The following ARIH1 variants were observed in gnomAD, a reference collection of about 807,000 sequenced individuals.
ARIH1 encodes the protein ariadne RBR E3 ubiquitin protein ligase 1.
A neutral mutation model predicts 85.0 loss-of-function variants in ARIH1; 8 were observed. That is an observed-to-expected ratio of 0.09 (90% confidence interval 0.06 to 0.17). The LOEUF (loss-of-function observed/expected upper bound fraction) is 0.17, where lower values mean the gene tolerates loss of function less well. Among genes scored for constraint, ARIH1 ranks in the 10% least tolerant of loss-of-function variants. The probability of loss-of-function intolerance (pLI) is 1.00; values close to 1 mark genes in which losing one functional copy is unlikely to be tolerated. For missense variants in ARIH1, 311 were observed against 718.1 expected, an observed-to-expected ratio of 0.43 and a Z score of 6.48; for synonymous variants, 238 against 253.6, an observed-to-expected ratio of 0.94 and a Z score of 0.59.
At chr15:72,548,796 T>C (rs1225501380) in intron 3 of ARIH1, among the ~76,000 whole-genome samples, 1 of 152,222 alleles carries the variant, frequency 6.6e-6, no homozygotes, top group Non-Finnish European at 1.5e-5. Flanking sequence ...ATTTGTACTT[T>C]TTTATTATAT....
intron 1 of ARIH1, among the ~76,000 whole-genome samples, chr15:72,512,853 TTAAGTA>T (rs1381817963): frequency 6.6e-6 from 1 of 152,048 alleles, no homozygotes; most frequent in Admixed American, 6.5e-5. Context: ...TTGAAATCTC[TTAAGTA>T]TAATTGTGGA....
At chr15:72,567,981 A>G (rs769104847) in intron 9 of ARIH1, among the ~76,000 whole-genome samples, 10 of 152,206 alleles carry the variant, frequency 6.6e-5, no homozygotes, top group Admixed American at 1.3e-4. Flanking sequence ...TGTGTAAACA[A>G]TGAAGGCCGA....
chr15:72,519,475 G>GT (rs150165121), intron 2 of ARIH1, among the ~76,000 whole-genome samples: 652 of 62,556 alleles, frequency 0.01, 61 homozygotes, highest in African/African-American at 0.036. Context: ...TGTTTTTTTT[G>GT]TTTTTTTTTT....
At chr15:72,504,749 C>G (rs1163529971) in intron 1 of ARIH1, among the ~76,000 whole-genome samples, 1 of 152,146 alleles carries the variant, frequency 6.6e-6, no homozygotes, top group Non-Finnish European at 1.5e-5. Flanking sequence ...AGGTTTCAGG[C>G]TTTTTGGTTT....
At chr15:72,519,060 T>C (rs1396020079) in intron 2 of ARIH1, among the ~76,000 whole-genome samples, 39 of 152,152 alleles carry the variant, frequency 2.6e-4, no homozygotes, top group Admixed American at 2.6e-3. Context: ...TTCTGCTCTT[T>C]GGTTTGGAAA....
chr15:72,503,779 T>G (rs1216324013), intron 1 of ARIH1, among the ~76,000 whole-genome samples: 2 of 152,210 alleles, frequency 1.3e-5, no homozygotes, highest in African/African-American at 4.8e-5. Flanking sequence ...CTTGCAGCCC[T>G]CAACCCCTTG....
At chr15:72,514,828 C>G (rs2063967462) in intron 1 of ARIH1, among the ~76,000 whole-genome samples, 1 of 151,764 alleles carries the variant, frequency 6.6e-6, no homozygotes, top group Non-Finnish European at 1.5e-5. Context: ...GGGTTTCACC[C>G]TCTCTACTAA....
intron 5 of ARIH1, among the ~76,000 whole-genome samples, chr15:72,557,839 G>A (rs569569200): frequency 1.1e-4 from 16 of 152,054 alleles, no homozygotes; most frequent in Admixed American, 6.5e-5. Context: ...TTAATTTGGC[G>A]CTTACCTTGA....
chr15:72,589,562 T>A lies in ARIH1; in HGVS notation c.*6270T>A, dbSNP rs2064331881. The A allele has an allele frequency of 1.3e-5, 2 of 152,228 alleles. No individual in the cohort carries two copies. Among genetic ancestry groups the A allele is most frequent in the Admixed American group, 6.5e-5 (1 of 15,276 alleles). The allele number at this position is 152,228 out of a possible 1,614,324, so 9.4% of individuals were successfully genotyped here. ...ATAGCTCCAGGTATTACATGTTAAC[T>A]GTTCCTGACACATGTAGACAGAACC... On this transcript the variant is annotated 3_prime_UTR_variant, in exon 14 of 14. Coordinates refer to ENST00000379887, the MANE Select transcript of ARIH1 (RefSeq NM_005744.5).
intron 1 of ARIH1, among the ~76,000 whole-genome samples, chr15:72,488,218 T>C (rs190511750): frequency 2.6e-5 from 4 of 152,064 alleles, no homozygotes; most frequent in African/African-American, 4.8e-5. Flanking sequence ...TGTATTATTA[T>C]TTTTATTTAT....
intron 11 of ARIH1, among the ~76,000 whole-genome samples, chr15:72,575,164 G>C (rs1411624438): frequency 6.6e-6 from 1 of 152,140 alleles, no homozygotes; most frequent in Non-Finnish European, 1.5e-5. Flanking sequence ...GATTTGTCAT[G>C]CAGGCCAGAG....
intron 1 of ARIH1, among the ~76,000 whole-genome samples, chr15:72,477,752 T>C (rs969582329): frequency 1.8e-4 from 28 of 152,270 alleles, no homozygotes; most frequent in Non-Finnish European, 3.2e-4. Flanking sequence ...GTTTAAATGC[T>C]TTGTGGCTAC....
chr15:72,581,846 A>G (rs2064296552), intron 12 of ARIH1: 2 of 369,164 alleles, frequency 5.4e-6, no homozygotes, highest in Non-Finnish European at 9.8e-6. Flanking sequence ...TATTCTTCCA[A>G]AAGTAATGGG....
intron 3 of ARIH1, among the ~76,000 whole-genome samples, chr15:72,551,958 C>T (rs1218461655): frequency 6.6e-6 from 1 of 152,008 alleles, no homozygotes; most frequent in African/African-American, 2.4e-5. Flanking sequence ...TGGCAAAGAT[C>T]AAGGAGTTGG....
Position 72,589,708 on chromosome 15 carries a change from C to G in ARIH1, c.*6416C>G, listed in dbSNP as rs1269125637. 1.3e-5 allele frequency: 2 copies of G among 152,156 alleles called. No individual in the cohort carries two copies. The highest frequency in any genetic ancestry group is 2.9e-5 in the Non-Finnish European group (2 of 68,004). The allele number at this position is 152,156 out of a possible 1,614,324, so 9.4% of individuals were successfully genotyped here. On this transcript the variant is annotated 3_prime_UTR_variant, in exon 14 of 14. Coordinates refer to ENST00000379887, the MANE Select transcript of ARIH1 (RefSeq NM_005744.5). ...TTCACATCATGGAAATCGTCTTTGA[C>G]AAAACTGAAATGCCCTGAAGTTTTA...
At chr15:72,498,961 A>ATTTTTTTTTTTTT (rs535261674) in intron 1 of ARIH1, among the ~76,000 whole-genome samples, 6 of 88,432 alleles carry the variant, frequency 6.8e-5, no homozygotes, top group Admixed American at 2.6e-4. Context: ...CTTTTCATAA[A>ATTTTTTTTTTTTT]TTTTTTTTTT....
In ARIH1 at chr15:72,483,265, A is replaced by G. The variant is rs1188404506; in HGVS notation, c.375+8251A>G. 2.6e-5 allele frequency among the ~76,000 whole-genome samples: 4 copies of G among 152,176 alleles called. No individual in the cohort carries two copies. The East Asian group carries it at 7.7e-4, about 29-fold the overall frequency. On this transcript the variant is annotated intron_variant, in intron 1 of 13. Coordinates refer to ENST00000379887, the MANE Select transcript of ARIH1 (RefSeq NM_005744.5). ...TTCACTGGCTGGTTGTTGCCCAGAG[A>G]TATCAGTTCCTTGCCATGTGGGCCT...
chr15:72,491,343 C>G (rs1466474112), intron 1 of ARIH1, among the ~76,000 whole-genome samples: 1 of 150,270 alleles, frequency 6.7e-6, no homozygotes, highest in Non-Finnish European at 1.5e-5. Context: ...TCATGACCCA[C>G]TGTAAATATT....
intron 1 of ARIH1, among the ~76,000 whole-genome samples, chr15:72,514,830 C>G (rs2063967481): frequency 6.6e-6 from 1 of 151,774 alleles, no homozygotes; most frequent in Non-Finnish European, 1.5e-5. Context: ...GTTTCACCCT[C>G]TCTACTAAAA....
Sources: gnomAD v4.1 joint callset for allele counts (sites outside exome capture counted in the v4.1 genomes callset) on GRCh38, gnomAD v4.1.1 for gene constraint, MANE v1.5 for transcripts, NCBI Gene and HGNC (gene_info 2026-07-23, HGNC 2026-07-21) for gene names.